Variants in GSTCD observed in about 807,000 individuals in gnomAD.
GSTCD encodes the protein glutathione S-transferase C-terminal domain containing.
Under a neutral mutation model 68.3 loss-of-function variants are expected in GSTCD, and 44 were observed. The ratio of observed to expected loss-of-function variants is 0.64; its 90% CI spans 0.51 to 0.83. GSTCD has a LOEUF of 0.83. Among genes scored for constraint, GSTCD ranks in the 40% least tolerant of loss-of-function variants. The pLI is 0.00. For missense variants in GSTCD, 739 were observed against 735.9 expected (o/e 1.00, Z -0.05); for synonymous variants, 273 against 255.2 (o/e 1.07, Z -0.67).
At chr4:105,840,909 A>G (rs1724306204) in intron 10 of GSTCD, among the ~76,000 whole-genome samples, 1 of 152,182 alleles carries the variant, frequency 6.6e-6, no homozygotes. Context: ...GACTAAGTGA[A>G]GGGAAGAGTC....
Position 105,717,935 on chromosome 4 carries a change from G to A in GSTCD, c.322G>A (p.Val108Ile), listed in dbSNP as rs530436868. The stretch of plus-strand genomic sequence containing the variant: ...TTTTTGTAGAGCAGGACTTGCTGTT[G>A]TATTGAGACACATAATCCAGAAATC... ...DNFCRAGLAV[V>I]LRHIIQKSYE... The change falls in exon 2 of 12, where the codon GTA becomes ATA. Residue 108 changes from valine (V) to isoleucine (I), a missense_variant. Transcript: ENST00000515279. 1.4e-5 allele frequency: 23 copies of A among 1,614,044 alleles called. No homozygotes were observed. The South Asian group carries it at 2.3e-4, about 16-fold the overall frequency.
intron 5 of GSTCD, among the ~76,000 whole-genome samples, chr4:105,746,752 A>G (rs1329444605): frequency 1.3e-5 from 2 of 152,344 alleles, no homozygotes; most frequent in East Asian, 3.9e-4. Flanking sequence ...GATCATTTAT[A>G]TAAATACTCT....
At chr4:105,828,403 GA>G (rs1213933216) in intron 8 of GSTCD, among the ~76,000 whole-genome samples, 2 of 152,070 alleles carry the variant, frequency 1.3e-5, no homozygotes, top group African/African-American at 4.8e-5. Flanking sequence ...AAAAGATAAG[GA>G]CCTTGAGAAA....
intron 5 of GSTCD, among the ~76,000 whole-genome samples, chr4:105,776,988 T>A (rs528324299): frequency 6.6e-6 from 1 of 152,228 alleles, no homozygotes; most frequent in East Asian, 1.9e-4. Flanking sequence ...CAACTCAATC[T>A]ATGATGGTTG....
chr4:105,742,846 C>T (rs753950266), intron 5 of GSTCD, among the ~76,000 whole-genome samples: 9 of 151,834 alleles, frequency 5.9e-5, no homozygotes, highest in Non-Finnish European at 1.3e-4. Context: ...TCCCAATTAG[C>T]TAGGACTACA....
chr4:105,731,927 CT>C (rs1313491060), intron 5 of GSTCD, among the ~76,000 whole-genome samples: 1 of 152,112 alleles, frequency 6.6e-6, no homozygotes, highest in Non-Finnish European at 1.5e-5. Flanking sequence ...TGCCAAAGGC[CT>C]TTTCTGCATC....
chr4:105,808,845 C>T (rs1317253354), intron 5 of GSTCD, among the ~76,000 whole-genome samples: 1 of 152,080 alleles, frequency 6.6e-6, no homozygotes, highest in Admixed American at 6.6e-5. Context: ...TGAATCATTC[C>T]TTTGCCCAGC....
At chr4:105,830,342 G>T (rs1007603280) in intron 8 of GSTCD, among the ~76,000 whole-genome samples, 4 of 151,936 alleles carry the variant, frequency 2.6e-5, no homozygotes, top group African/African-American at 4.8e-5. Flanking sequence ...ACAATATCTC[G>T]AAAATTCTAA....
intron 5 of GSTCD, among the ~76,000 whole-genome samples, chr4:105,740,701 G>A (rs1043876125): frequency 6.6e-5 from 10 of 151,956 alleles, no homozygotes; most frequent in Admixed American, 6.6e-5. Flanking sequence ...TTTTTCATGC[G>A]TCTTTTCAGA....
At chr4:105,751,328 T>C (rs988614251) in intron 5 of GSTCD, among the ~76,000 whole-genome samples, 1 of 152,184 alleles carries the variant, frequency 6.6e-6, no homozygotes, top group Non-Finnish European at 1.5e-5. Context: ...TTAAGAATAT[T>C]GAAATACTTC....
At chr4:105,792,400 ATTC>A (rs1216296402) in intron 5 of GSTCD, among the ~76,000 whole-genome samples, 1 of 152,054 alleles carries the variant, frequency 6.6e-6, no homozygotes, top group Non-Finnish European at 1.5e-5. Flanking sequence ...AGAGGCTCAG[ATTC>A]TTCTTTGTAA....
At chr4:105,808,324 C>T (rs1445981176) in intron 5 of GSTCD, among the ~76,000 whole-genome samples, 3 of 152,040 alleles carry the variant, frequency 2.0e-5, no homozygotes, top group Non-Finnish European at 4.4e-5. Flanking sequence ...TGCTCAGGCT[C>T]AGAACTCTAG....
intron 5 of GSTCD, among the ~76,000 whole-genome samples, chr4:105,789,474 C>A (rs1644463951): frequency 6.6e-6 from 1 of 151,896 alleles, no homozygotes; most frequent in African/African-American, 2.4e-5. Flanking sequence ...TGTCTGTTAG[C>A]AGGATCCTGT....
chr4:105,845,366 T>C, intron 11 of GSTCD, 75 bp from the exon 12 acceptor site: 3 of 1,560,062 alleles, frequency 1.9e-6, no homozygotes, highest in Non-Finnish European at 2.6e-6. Context: ...TGTCACTATA[T>C]AGATTCCCTT....
chr4:105,811,689 G>T (rs1039177355), intron 5 of GSTCD, among the ~76,000 whole-genome samples: 2 of 150,142 alleles, frequency 1.3e-5, no homozygotes, highest in Admixed American at 6.6e-5. Context: ...AATAATAAAA[G>T]AAAGAAAAAA....
chr4:105,742,778 A>G (rs1318059286), intron 5 of GSTCD, among the ~76,000 whole-genome samples: 1 of 150,850 alleles, frequency 6.6e-6, no homozygotes, highest in African/African-American at 2.4e-5. Flanking sequence ...GCAGTGGCTC[A>G]ATCATAGCTC....
At chr4:105,761,703 A>G (rs967778669) in intron 5 of GSTCD, 3 of 151,972 alleles carry the variant, frequency 2.0e-5, no homozygotes, top group Non-Finnish European at 2.9e-5. Context: ...TTGTATTGCT[A>G]TTTACTTCTG....
intron 5 of GSTCD, among the ~76,000 whole-genome samples, chr4:105,799,104 A>G (rs540950706): frequency 1.3e-5 from 2 of 152,284 alleles, no homozygotes; most frequent in East Asian, 1.9e-4. Flanking sequence ...TGATAAACCA[A>G]TCTCTGCTAG....
At chr4:105,746,237 A>C (rs532255576) in intron 5 of GSTCD, 2 of 152,308 alleles carry the variant, frequency 1.3e-5, no homozygotes, top group Non-Finnish European at 1.5e-5. Context: ...AAGGTGATAA[A>C]AATCATAAGG....
Sources: allele counts gnomAD v4.1 joint callset (sites outside exome capture counted in the v4.1 genomes callset), GRCh38; gene constraint gnomAD v4.1.1; transcripts MANE v1.5; gene names NCBI Gene and HGNC (gene_info 2026-07-23, HGNC 2026-07-21).